The following PELI1 variants were observed in gnomAD, a reference collection of about 807,000 sequenced individuals.
PELI1 encodes pellino E3 ubiquitin protein ligase 1, also known as E3 ubiquitin-protein ligase pellino homolog 1.
Under a neutral mutation model 41.3 loss-of-function variants are expected in PELI1, and 15 were observed. The ratio of observed to expected loss-of-function variants is 0.36; its 90% CI spans 0.24 to 0.56. The LOEUF (loss-of-function observed/expected upper bound fraction) is 0.56. PELI1 is among the 20% of genes least tolerant of loss of function. The pLI, the probability that PELI1 is intolerant of heterozygous loss-of-function variation, is 0.82. For synonymous variants in PELI1, 178 were observed against 180.1 expected, an observed-to-expected ratio of 0.99 and a Z score of 0.09; for missense variants, 403 against 525.5, an observed-to-expected ratio of 0.77 and a Z score of 2.28.
intron 2 of PELI1, among the ~76,000 whole-genome samples, chr2:64,105,588 C>G (rs1680593060): frequency 6.6e-6 from 1 of 152,106 alleles, no homozygotes; most frequent in Non-Finnish European, 1.5e-5. Flanking sequence ...CTAAATCTAC[C>G]CTTGCAAAAA....
Position 64,123,342 on chromosome 2 carries a change from C to T in PELI1, c.-69-14963G>A, listed in dbSNP as rs892901566. Among the ~76,000 whole-genome samples the T allele has an allele frequency of 8.5e-5, 13 of 152,172 alleles. 1 individual carries two copies. Among genetic ancestry groups the T allele is most frequent in the Admixed American group, 5.9e-4 (9 of 15,286 alleles). ...GTGTTTACCTGGCAGTCTCTTTAAA[C>T]GAACAAAAGAAAGCTAGGTATCAAA... On this transcript the variant is annotated intron_variant, in intron 1 of 6. Coordinates refer to ENST00000358912, the MANE Select transcript of PELI1 (RefSeq NM_020651.4).
intron 1 of PELI1, among the ~76,000 whole-genome samples, chr2:64,138,913 T>C (rs1681805514): frequency 6.6e-6 from 1 of 152,234 alleles, no homozygotes; most frequent in Non-Finnish European, 1.5e-5. Context: ...CATGTATCCA[T>C]ATAGCATCTA....
intron 1 of PELI1, among the ~76,000 whole-genome samples, chr2:64,119,676 G>A (rs1681141983): frequency 6.6e-6 from 1 of 152,166 alleles, no homozygotes; most frequent in African/African-American, 2.4e-5. Context: ...AGAAGTAAGA[G>A]GAAGCACAGA....
intron 1 of PELI1, among the ~76,000 whole-genome samples, chr2:64,141,617 A>C (rs2103753534): frequency 6.6e-6 from 1 of 152,352 alleles, no homozygotes; most frequent in South Asian, 2.1e-4. Flanking sequence ...AGAAAACCAT[A>C]ATACATCATA....
intron 1 of PELI1, 53 bp from the exon 2 acceptor site, chr2:64,108,432 T>G: frequency 1.5e-6 from 1 of 679,174 alleles, no homozygotes; most frequent in Non-Finnish European, 2.6e-6. Context: ...TCAGTTTAAA[T>G]AAAGATGTTA....
chr2:64,135,377 C>T (rs1003034745), intron 1 of PELI1, among the ~76,000 whole-genome samples: 3 of 152,120 alleles, frequency 2.0e-5, no homozygotes, highest in Admixed American at 1.3e-4. Flanking sequence ...TCCACCAAGG[C>T]ACACACCAGA....
chr2:64,143,015 T>C (rs1244441740), intron 1 of PELI1, among the ~76,000 whole-genome samples: 3 of 152,222 alleles, frequency 2.0e-5, no homozygotes, highest in Admixed American at 1.3e-4. Flanking sequence ...CATTTGTTGA[T>C]ATACTGTTTG....
At chr2:64,117,814 A>T (rs189458113) in intron 1 of PELI1, among the ~76,000 whole-genome samples, 1,705 of 146,624 alleles carry the variant, frequency 0.012, 17 homozygotes, top group Non-Finnish European at 0.019. Flanking sequence ...TTTCCCAATA[A>T]TTTTTTTTTT....
chr2:64,111,773 T>G (rs999102063), intron 1 of PELI1, among the ~76,000 whole-genome samples: 31 of 152,178 alleles, frequency 2.0e-4, no homozygotes, highest in Admixed American at 5.9e-4. Flanking sequence ...ATACATGAAA[T>G]CATACTTTAG....
chr2:64,104,906 T>G, intron 2 of PELI1, 76 bp from the exon 3 acceptor site: 2 of 1,282,076 alleles, frequency 1.6e-6, no homozygotes, highest in Admixed American at 2.3e-5. Context: ...GACTTTGCCT[T>G]GCAGAATCAA....
Position 64,108,392 on chromosome 2 carries a change from A to T in PELI1, c.-69-13T>A. On this transcript the variant is annotated splice_polypyrimidine_tract_variant and intron_variant, in intron 1 of 6. Coordinates refer to ENST00000358912, the MANE Select transcript of PELI1 (RefSeq NM_020651.4). ...TTTGCATTATTTCCTAGAGGGGAAA[A>T]GTTTTCATTAATAATGTGAACAATT... 1 of 804,970 alleles carries T rather than the reference A, an allele frequency of 1.2e-6. No homozygotes were observed. Among genetic ancestry groups the T allele is most frequent in the Non-Finnish European group, 2.2e-6 (1 of 463,000 alleles). The allele number at this position is 804,970 out of a possible 1,614,324, so 49.9% of individuals were successfully genotyped here. A position where few individuals can be genotyped will look rare whatever the true frequency, so the allele number is the denominator to read the frequency against.
At chr2:64,100,252 C>T in intron 4 of PELI1, 146 bp downstream of exon 4, 1 of 576,550 alleles carries the variant, frequency 1.7e-6, no homozygotes, top group East Asian at 2.9e-5. Context: ...AGATTGACTT[C>T]TATTTATAAG....
intron 1 of PELI1, among the ~76,000 whole-genome samples, chr2:64,143,778 C>A (rs1447513955): frequency 6.6e-6 from 1 of 152,030 alleles, no homozygotes; most frequent in Non-Finnish European, 1.5e-5. Context: ...GCTCCCCTCT[C>A]GCAGCCGGAG....
chr2:64,113,794 T>G (rs1329865547), intron 1 of PELI1, among the ~76,000 whole-genome samples: 1 of 152,176 alleles, frequency 6.6e-6, no homozygotes, highest in Non-Finnish European at 1.5e-5. Flanking sequence ...TACAATTATT[T>G]TCATATCAAG....
chr2:64,138,115 T>C (rs976992166), intron 1 of PELI1, among the ~76,000 whole-genome samples: 1 of 152,114 alleles, frequency 6.6e-6, no homozygotes, highest in Non-Finnish European at 1.5e-5. Context: ...TTTGTTTTGT[T>C]TTTTTTAGAC....
At chr2:64,117,699 T>C (rs1270393821) in intron 1 of PELI1, among the ~76,000 whole-genome samples, 1 of 152,324 alleles carries the variant, frequency 6.6e-6, no homozygotes, top group Non-Finnish European at 1.5e-5. Flanking sequence ...TTATTACTAC[T>C]CTAATGAAAA....
chr2:64,142,140 C>T (rs907463505), intron 1 of PELI1, among the ~76,000 whole-genome samples: 9 of 152,192 alleles, frequency 5.9e-5, no homozygotes, highest in African/African-American at 2.2e-4. Context: ...ATAGTTTCCT[C>T]TTTAAAACCT....
intron 1 of PELI1, among the ~76,000 whole-genome samples, chr2:64,113,399 T>G (rs1680889086): frequency 6.6e-6 from 1 of 152,220 alleles, no homozygotes. Flanking sequence ...CTTCATTTGT[T>G]GGTCTTCAAT....
Position 64,100,329 on chromosome 2 carries a change from A to G in PELI1, c.303+69T>C, listed in dbSNP as rs958958577. On this transcript the variant is annotated intron_variant, in intron 4 of 6. Coordinates refer to ENST00000358912, the MANE Select transcript of PELI1 (RefSeq NM_020651.4). The stretch of plus-strand genomic sequence containing the variant: ...AATCTGATAATCCTCTGACCTCAGC[A>G]AAAGTCACCAACAATAGATTTTTAA... The G allele has an allele frequency of 2.1e-5, 17 of 802,524 alleles. No individual in the cohort carries two copies. The Middle Eastern group carries it at 6.7e-4, about 32-fold the overall frequency. 49.7% of individuals were successfully genotyped at this position (802,524 alleles called of 1,614,324 possible).
Sources: allele counts gnomAD v4.1 joint callset (sites outside exome capture counted in the v4.1 genomes callset), GRCh38; gene constraint gnomAD v4.1.1; transcripts MANE v1.5; gene names NCBI Gene and HGNC (gene_info 2026-07-23, HGNC 2026-07-21).